L3HYPDH: variants seen among roughly 807,000 people sequenced by gnomAD.
The protein encoded by L3HYPDH is trans-L-3-hydroxyproline dehydratase, also known as trans-3-hydroxy-L-proline dehydratase.
L3HYPDH carries 32 observed loss-of-function variants against 26.5 expected under a neutral mutation model. The ratio of observed to expected loss-of-function variants is 1.21; its 90% confidence interval spans 0.91 to 1.62. L3HYPDH has a LOEUF of 1.62. L3HYPDH is among the 40% of genes most tolerant of loss of function. L3HYPDH has a pLI of 0.00. For synonymous variants in L3HYPDH, 215 were observed against 196.6 expected, an observed-to-expected ratio of 1.09 and a Z score of -0.78; for missense variants, 554 against 476.4, an observed-to-expected ratio of 1.16 and a Z score of -1.52.
chr14:59,479,419 G>T, intron 1 of L3HYPDH, 68 bp from the exon 2 acceptor site: 2 of 1,374,272 alleles, frequency 1.5e-6, no homozygotes, highest in East Asian at 2.4e-5. Context: ...AAAATTCAAA[G>T]GATTTTTAAT....
At chr14:59,500,208 T>C in the L3HYPDH span, among the ~76,000 whole-genome samples, 2 of 152,194 alleles carry the variant, frequency 1.3e-5, no homozygotes, top group African/African-American at 4.8e-5. Flanking sequence ...TAAAAAGTTA[T>C]AAATGTCAAA....
the L3HYPDH span, chr14:59,495,007 T>C: frequency 1.2e-5 from 19 of 1,606,392 alleles, no homozygotes; most frequent in East Asian, 4.0e-4. Flanking sequence ...ATGCCTCTTT[T>C]CCTTCTCTAG....
rs1253520717 is a variant in L3HYPDH, at chr14:59,476,773, G to A, written c.679-559C>T. On this transcript the variant is annotated intron_variant, in intron 2 of 4. Transcript: ENST00000247194. ...GAGGAAAAAAAGATTTATTGTAGACGATGAAGTCAGTTGATTCATCAAAAA... is the reference window on the plus strand; with the variant it reads ...GAGGAAAAAAAGATTTATTGTAGACAATGAAGTCAGTTGATTCATCAAAAA... Among the ~76,000 whole-genome samples, 4 of 152,208 alleles carry A rather than the reference G, an allele frequency of 2.6e-5. No homozygotes were observed. In the East Asian group the frequency reaches 7.7e-4, roughly 29 times the overall value.
intron 2 of L3HYPDH, among the ~76,000 whole-genome samples, chr14:59,478,341 A>C (rs946058028): frequency 2.0e-5 from 3 of 152,146 alleles, no homozygotes; most frequent in Non-Finnish European, 4.4e-5. Context: ...AGCTGGGAGA[A>C]TCACTTGAGG....
In L3HYPDH at chr14:59,484,162, C is replaced by CG; in HGVS notation, c.154dup (p.Arg52ProfsTer8). 1 of 1,600,428 alleles carries CG rather than the reference C, an allele frequency of 6.2e-7. No homozygotes were observed. Among genetic ancestry groups the CG allele is most frequent in the Non-Finnish European group, 8.5e-7 (1 of 1,179,416 alleles). Reference sequence around the variant, plus strand: ...GTGGTCAAGGTGCTGGCGCATGTAGCGCCGCTTGGCCAGCAGGGTGGGCCC... The same window carrying CG: ...GTGGTCAAGGTGCTGGCGCATGTAGCGGCCGCTTGGCCAGCAGGGTGGGCCC... On this transcript the variant is annotated frameshift_variant, in exon 1 of 5. Coordinates refer to ENST00000247194, the MANE Select transcript of L3HYPDH (RefSeq NM_144581.2). LOFTEE classifies it high-confidence loss of function.
the L3HYPDH span, among the ~76,000 whole-genome samples, chr14:59,496,211 C>T: frequency 6.6e-6 from 1 of 151,890 alleles, no homozygotes; most frequent in Non-Finnish European, 1.5e-5. Flanking sequence ...CGGCCTCTCC[C>T]TGCCAGTTCT....
the L3HYPDH span, among the ~76,000 whole-genome samples, chr14:59,498,034 CT>C: frequency 4.0e-5 from 6 of 151,256 alleles, no homozygotes; most frequent in South Asian, 4.2e-4. Flanking sequence ...CTTTCTACAG[CT>C]TTTTTTTTCT....
At position 59,479,354 on chromosome 14, in the gene L3HYPDH, A is replaced by T. The variant is rs1261615663; in HGVS notation, c.509-3T>A. ...TCCAGGAACATCCACCATGAGATCT[A>T]AAAAAAAGATGTGTTTGGAAAGAAG... is the stretch of plus-strand genomic sequence containing the variant. On this transcript the variant is annotated splice_polypyrimidine_tract_variant and splice_region_variant and intron_variant, in intron 1 of 4. Coordinates refer to ENST00000247194, the MANE Select transcript of L3HYPDH (RefSeq NM_144581.2). The T allele has an allele frequency of 1.3e-6, 2 of 1,593,338 alleles. No individual in the cohort carries two copies. Among genetic ancestry groups the T allele is most frequent in the South Asian group, 1.1e-5 (1 of 87,870 alleles).
chr14:59,484,187 C>G lies in L3HYPDH; in HGVS notation c.130G>C (p.Gly44Arg), dbSNP rs917223523. 3.8e-6 allele frequency: 6 copies of G among 1,599,134 alleles called. No individual in the cohort carries two copies. Among genetic ancestry groups the G allele is most frequent in the Non-Finnish European group, 4.2e-6 (5 of 1,179,644 alleles). The part of the protein sequence containing the change: ...IVLAGCPEVS[G>R]PTLLAKRRYM... ...CGCCGCTTGGCCAGCAGGGTGGGCC[C>G]AGACACCTCCGGACACCCCGCCAGC... The change falls in exon 1 of 5, where the codon GGG (glycine) becomes CGG (arginine). Residue 44 changes from glycine (G) to arginine (R), a missense_variant. Physicochemically the swap from Gly to Arg is moderately radical, Grantham distance 125 (BLOSUM62 -2). Transcript: ENST00000247194.
At chr14:59,500,517 C>T in the L3HYPDH span, among the ~76,000 whole-genome samples, 1 of 152,062 alleles carries the variant, frequency 6.6e-6, no homozygotes, top group Non-Finnish European at 1.5e-5. Context: ...GTAGAGATTG[C>T]AGGAATTTTG....
At chr14:59,471,905 GTTT>G (rs1351755320), downstream of L3HYPDH, among the ~76,000 whole-genome samples, 1 of 152,040 alleles carries the variant, frequency 6.6e-6, no homozygotes, top group Non-Finnish European at 1.5e-5. Flanking sequence ...AAAACATCCT[GTTT>G]TTGTGTAACA....
chr14:59,483,378 C>T (rs899179657), intron 1 of L3HYPDH: 3 of 334,336 alleles, frequency 9.0e-6, no homozygotes, highest in Non-Finnish European at 1.3e-5. Flanking sequence ...GGAAAGGAGA[C>T]CAGGTTTAGT....
At chr14:59,474,873 T>C (rs1889519761) in intron 4 of L3HYPDH, 1 of 186,014 alleles carries the variant, frequency 5.4e-6, no homozygotes, top group African/African-American at 2.3e-5. Context: ...TTCCAAATTT[T>C]TGCATACAAC....
At chr14:59,474,691 A>T in intron 4 of L3HYPDH, 1 of 562,678 alleles carries the variant, frequency 1.8e-6, no homozygotes, top group Non-Finnish European at 3.1e-6. Context: ...CCGTTTTATC[A>T]TCTATTGAAA....
At chr14:59,494,233 G>C in the L3HYPDH span, among the ~76,000 whole-genome samples, 2 of 151,084 alleles carry the variant, frequency 1.3e-5, no homozygotes, top group African/African-American at 2.5e-5. Context: ...TTAAAATTTA[G>C]AACATGTTTA....
At chr14:59,500,970 T>C in the L3HYPDH span, 8 of 468,582 alleles carry the variant, frequency 1.7e-5, no homozygotes, top group Non-Finnish European at 3.0e-5. Context: ...ACTGCAGAGC[T>C]GGGTAATCGA....
upstream of L3HYPDH, chr14:59,484,985 C>T (rs984955115): frequency 1.9e-6 from 3 of 1,573,990 alleles, no homozygotes; most frequent in African/African-American, 4.1e-5. Flanking sequence ...CAACCTCAAA[C>T]GTAGATTTAT....
the L3HYPDH span, among the ~76,000 whole-genome samples, chr14:59,490,291 A>G: frequency 6.6e-6 from 1 of 152,214 alleles, no homozygotes; most frequent in Non-Finnish European, 1.5e-5. Context: ...TACTGTGAGC[A>G]CAGCTCCAAG....
At chr14:59,499,010 T>G in the L3HYPDH span, 1 of 391,086 alleles carries the variant, frequency 2.6e-6, no homozygotes, top group Non-Finnish European at 4.2e-6. Flanking sequence ...ATAGTTTGTT[T>G]AATCCTTTTT....
Sources: allele counts gnomAD v4.1 joint callset (sites outside exome capture counted in the v4.1 genomes callset), GRCh38; gene constraint gnomAD v4.1.1; transcripts MANE v1.5; gene names NCBI Gene and HGNC (gene_info 2026-07-23, HGNC 2026-07-21).